Variants in ZNF407 observed in about 807,000 individuals in gnomAD.
ZNF407 encodes the protein zinc finger protein 407.
ZNF407 carries 17 observed loss-of-function variants against 131.2 expected under a neutral mutation model. The observed-to-expected ratio is 0.13, with a 90% CI of 0.09 to 0.19. The LOEUF (loss-of-function observed/expected upper bound fraction) is 0.19. Ranked by LOEUF, ZNF407 falls within the 10% of genes least tolerant of loss-of-function variation. The pLI is 1.00. For synonymous variants in ZNF407, 1,156 were observed against 1,062.0 expected (o/e 1.09, Z -1.72); for missense variants, 2,681 against 2,830.6 (o/e 0.95, Z 1.20).
chr18:74,672,598 T>G (rs1464300570), intron 3 of ZNF407, among the ~76,000 whole-genome samples: 1 of 145,472 alleles, frequency 6.9e-6, no homozygotes, highest in Non-Finnish European at 1.5e-5. Flanking sequence ...GTCTGTTTGT[T>G]GGAGCACTGT....
chr18:74,956,443 C>T (rs975979133), intron 8 of ZNF407, among the ~76,000 whole-genome samples: 3 of 152,080 alleles, frequency 2.0e-5, no homozygotes, highest in East Asian at 1.9e-4. Flanking sequence ...TCCTTCTTCC[C>T]CAAACTGTAC....
intron 3 of ZNF407, among the ~76,000 whole-genome samples, chr18:74,696,652 A>G (rs1489466521): frequency 6.6e-6 from 1 of 152,206 alleles, no homozygotes; most frequent in East Asian, 1.9e-4. Context: ...GTTCACATAC[A>G]TACATAGACA....
At chr18:75,012,931 G>A (rs1293386596) in intron 8 of ZNF407, among the ~76,000 whole-genome samples, 1 of 135,684 alleles carries the variant, frequency 7.4e-6, no homozygotes, top group Non-Finnish European at 1.6e-5. Flanking sequence ...TATTACTAAT[G>A]ATAGAAAGGG....
At chr18:74,616,551 G>A (rs983954879) in intron 1 of ZNF407, among the ~76,000 whole-genome samples, 26 of 151,492 alleles carry the variant, frequency 1.7e-4, no homozygotes, top group Non-Finnish European at 7.4e-5. Context: ...CCCTGTACCC[G>A]CATTCTGATT....
chr18:74,983,835 C>G (rs1436673716), intron 8 of ZNF407, among the ~76,000 whole-genome samples: 1 of 152,184 alleles, frequency 6.6e-6, no homozygotes, highest in Non-Finnish European at 1.5e-5. Context: ...AGTCCCACAC[C>G]CGTCATGGCT....
intron 8 of ZNF407, among the ~76,000 whole-genome samples, chr18:75,000,517 C>T (rs1216624774): frequency 6.6e-6 from 1 of 152,082 alleles, no homozygotes; most frequent in Non-Finnish European, 1.5e-5. Context: ...AAAATTTAGA[C>T]CAGTGTGATC....
At chr18:74,910,382 A>C (rs1971653326) in intron 7 of ZNF407, among the ~76,000 whole-genome samples, 1 of 152,102 alleles carries the variant, frequency 6.6e-6, no homozygotes, top group South Asian at 2.1e-4. Context: ...TTATAGATTC[A>C]GGTGGACTCT....
chr18:74,739,566 A>G (rs955382187), intron 3 of ZNF407, among the ~76,000 whole-genome samples: 10 of 152,060 alleles, frequency 6.6e-5, no homozygotes, highest in African/African-American at 2.4e-4. Flanking sequence ...GCTTAGAGGG[A>G]GAACATGCTT....
At chr18:74,899,423 G>A (rs78482452) in intron 7 of ZNF407, among the ~76,000 whole-genome samples, 4 of 152,116 alleles carry the variant, frequency 2.6e-5, no homozygotes, top group Non-Finnish European at 5.9e-5. Flanking sequence ...TCCTTCGGGT[G>A]TGCTGGTCAG....
intron 4 of ZNF407, among the ~76,000 whole-genome samples, chr18:74,785,956 G>A (rs1341980563): frequency 6.6e-6 from 1 of 152,184 alleles, no homozygotes; most frequent in African/African-American, 2.4e-5. Flanking sequence ...CACATGATGT[G>A]TGCAGTTGTG....
At chr18:74,932,767 C>G (rs1971996909) in intron 8 of ZNF407, among the ~76,000 whole-genome samples, 1 of 152,116 alleles carries the variant, frequency 6.6e-6, no homozygotes, top group African/African-American at 2.4e-5. Flanking sequence ...AAATAATACT[C>G]ACCAATTTAG....
In ZNF407 at chr18:74,980,354, C is replaced by CG. The variant is rs538454505; in HGVS notation, c.5428+59662_5428+59663insG. Reference sequence around the variant, plus strand: ...CGGAGTTTCGCTCTTGTGGCCCAGGCTGGAGTGCAACGGCGTGACCTCAGC... The same window carrying CG: ...CGGAGTTTCGCTCTTGTGGCCCAGGCGTGGAGTGCAACGGCGTGACCTCAGC... On this transcript the variant is annotated intron_variant, in intron 8 of 8. Transcript: ENST00000299687. 3.8e-3 allele frequency among the ~76,000 whole-genome samples: 577 copies of CG among 151,542 alleles called. 9 individuals carry two copies. The highest frequency in any genetic ancestry group is 0.013 in the African/African-American group (548 of 41,284).
chr18:74,681,491 C>T (rs573184586), intron 3 of ZNF407, among the ~76,000 whole-genome samples: 1 of 152,270 alleles, frequency 6.6e-6, no homozygotes, highest in Non-Finnish European at 1.5e-5. Context: ...GATCCTCCCA[C>T]CTTGGCCTTC....
chr18:74,720,561 TATA>T (rs1234507631), intron 3 of ZNF407, among the ~76,000 whole-genome samples: 1 of 152,112 alleles, frequency 6.6e-6, no homozygotes, highest in Non-Finnish European at 1.5e-5. Flanking sequence ...GTCTTACTCA[TATA>T]ATATTTTCTC....
At chr18:74,977,749 C>T (rs753400299) in intron 8 of ZNF407, among the ~76,000 whole-genome samples, 2 of 152,184 alleles carry the variant, frequency 1.3e-5, no homozygotes, top group African/African-American at 4.8e-5. Flanking sequence ...ATACGTTCTT[C>T]TTCTTTTGAT....
intron 3 of ZNF407, among the ~76,000 whole-genome samples, chr18:74,740,072 A>C (rs1010350198): frequency 5.9e-5 from 9 of 152,118 alleles, no homozygotes; most frequent in African/African-American, 2.2e-4. Context: ...GTTTTTTCAC[A>C]GTTTTGGTGG....
chr18:74,987,356 G>A (rs1972665436), intron 8 of ZNF407, among the ~76,000 whole-genome samples: 1 of 152,142 alleles, frequency 6.6e-6, no homozygotes, highest in Admixed American at 6.5e-5. Context: ...AGAGAATGGT[G>A]CAATTATTAT....
At chr18:74,826,172 A>C (rs540914207) in intron 4 of ZNF407, among the ~76,000 whole-genome samples, 1 of 152,310 alleles carries the variant, frequency 6.6e-6, no homozygotes, top group East Asian at 1.9e-4. Flanking sequence ...AGAGGAATAA[A>C]GTTGCCCTCA....
chr18:74,627,799 T>TGC (rs1983855755), intron 1 of ZNF407, among the ~76,000 whole-genome samples: 3 of 150,020 alleles, frequency 2.0e-5, no homozygotes, highest in Non-Finnish European at 4.4e-5. Flanking sequence ...TCTCTCTTTC[T>TGC]CTCTTTCTCT....
Sources: allele counts gnomAD v4.1 joint callset (sites outside exome capture counted in the v4.1 genomes callset), GRCh38; gene constraint gnomAD v4.1.1; transcripts MANE v1.5; gene names NCBI Gene and HGNC (gene_info 2026-07-23, HGNC 2026-07-21).